The following MUSK variants were observed in gnomAD, a reference collection of about 807,000 sequenced individuals.
MUSK encodes the protein muscle, skeletal receptor tyrosine-protein kinase.
MUSK carries 55 observed loss-of-function variants against 88.7 expected under a neutral mutation model. That is an observed-to-expected ratio of 0.62 (90% CI 0.50 to 0.78). MUSK has a LOEUF of 0.78. Ranked by LOEUF, MUSK falls within the 30% of genes least tolerant of loss-of-function variation. The pLI is 0.00. For missense variants in MUSK, 1,015 were observed against 1,074.3 expected (o/e 0.94, Z 0.77); for synonymous variants, 387 against 391.9 (o/e 0.99, Z 0.15).
At chr9:110,732,195 T>G (rs1302726274) in intron 5 of MUSK, among the ~76,000 whole-genome samples, 1 of 152,070 alleles carries the variant, frequency 6.6e-6, no homozygotes, top group Non-Finnish European at 1.5e-5. Flanking sequence ...AGATCCTGCT[T>G]GTTTCAGATT....
intron 9 of MUSK, among the ~76,000 whole-genome samples, chr9:110,771,161 C>CTTTTTTTTTTTT (rs34185224): frequency 4.1e-5 from 4 of 96,432 alleles, no homozygotes; most frequent in Non-Finnish European, 5.7e-5. Context: ...TCATTTCCTT[C>CTTTTTTTTTTTT]TTTTTTTTTT....
chr9:110,677,461 G>A (rs1051315965), intron 1 of MUSK, among the ~76,000 whole-genome samples: 1 of 152,096 alleles, frequency 6.6e-6, no homozygotes, highest in African/African-American at 2.4e-5. Flanking sequence ...TGCTACTCTT[G>A]GGCTCTGCCA....
intron 5 of MUSK, among the ~76,000 whole-genome samples, chr9:110,704,516 G>A (rs2076571172): frequency 6.6e-6 from 1 of 152,036 alleles, no homozygotes; most frequent in Non-Finnish European, 1.5e-5. Context: ...TATTTAATAA[G>A]TACTTGTATA....
At chr9:110,745,361 CT>C (rs545907697) in intron 6 of MUSK, among the ~76,000 whole-genome samples, 381 of 152,254 alleles carry the variant, frequency 2.5e-3, no homozygotes, top group African/African-American at 8.9e-3. Flanking sequence ...TCAAAGTTGT[CT>C]CTAAGGCATT....
intron 9 of MUSK, among the ~76,000 whole-genome samples, chr9:110,774,320 C>T (rs2077630288): frequency 6.6e-6 from 1 of 152,092 alleles, no homozygotes. Flanking sequence ...TCTGTAGTTA[C>T]TTCCATGTTC....
chr9:110,776,578 A>T, intron 10 of MUSK, 54 bp from the exon 11 acceptor site: 1 of 1,397,690 alleles, frequency 7.2e-7, no homozygotes, highest in Non-Finnish European at 1.0e-6. Context: ...CTCACAGAAT[A>T]TGTGAGATAT....
intron 7 of MUSK, among the ~76,000 whole-genome samples, chr9:110,755,965 C>CATATAT: frequency 1.2e-5 from 1 of 81,638 alleles, no homozygotes; most frequent in African/African-American, 4.7e-5. Context: ...TATATATATA[C>CATATAT]ATATATATAT....
At chr9:110,764,991 G>T (rs571020343) in intron 8 of MUSK, among the ~76,000 whole-genome samples, 14 of 151,966 alleles carry the variant, frequency 9.2e-5, no homozygotes, top group African/African-American at 3.4e-4. Flanking sequence ...CAGACAGAGG[G>T]GTTCATTATT....
At chr9:110,725,202 T>C (rs1391353193) in intron 5 of MUSK, among the ~76,000 whole-genome samples, 1 of 151,854 alleles carries the variant, frequency 6.6e-6, no homozygotes, top group Non-Finnish European at 1.5e-5. Context: ...GGAGCTAAGA[T>C]AATGAGGATG....
chr9:110,669,335 C>T (rs1587868370), intron 1 of MUSK, among the ~76,000 whole-genome samples: 1 of 152,132 alleles, frequency 6.6e-6, no homozygotes, highest in Non-Finnish European at 1.5e-5. Flanking sequence ...ACAACCTTTT[C>T]GCATCAGGTT....
chr9:110,772,958 T>C (rs1006032706), intron 9 of MUSK, among the ~76,000 whole-genome samples: 7 of 152,148 alleles, frequency 4.6e-5, no homozygotes, highest in African/African-American at 1.7e-4. Flanking sequence ...GGTTTTCTAA[T>C]TATTAGGTTG....
At chr9:110,758,568 A>G (rs901653287) in intron 7 of MUSK, among the ~76,000 whole-genome samples, 1 of 152,202 alleles carries the variant, frequency 6.6e-6, no homozygotes, top group African/African-American at 2.4e-5. Flanking sequence ...AGCCCTGGCC[A>G]TAGCAATCAG....
At chr9:110,684,116 CT>C (rs2076165535) in intron 2 of MUSK, among the ~76,000 whole-genome samples, 1 of 152,072 alleles carries the variant, frequency 6.6e-6, no homozygotes, top group African/African-American at 2.4e-5. Context: ...AGATTGAAGT[CT>C]TAGATTTAAA....
At chr9:110,748,346 A>T (rs2077204650) in intron 7 of MUSK, among the ~76,000 whole-genome samples, 2 of 152,194 alleles carry the variant, frequency 1.3e-5, no homozygotes, top group South Asian at 4.1e-4. Flanking sequence ...CAATTTCTGC[A>T]TGGCTATTTC....
At chr9:110,721,711 G>A (rs10733579) in intron 5 of MUSK, among the ~76,000 whole-genome samples, 1 of 151,934 alleles carries the variant, frequency 6.6e-6, no homozygotes, top group Non-Finnish European at 1.5e-5. Flanking sequence ...GAAATACCAC[G>A]ATTACTCTTT....
rs547450130 is a variant in MUSK, at chr9:110,800,476, G to A, written c.2098G>A (p.Ala700Thr). Residue 700 changes from alanine (A) to threonine (T), a missense_variant, in exon 15 of 15, where the codon GCT becomes ACT. Coordinates refer to ENST00000374448, the MANE Select transcript of MUSK (RefSeq NM_005592.4). ...CCCTGGGCCCCCACCCCTCTCCTGT[G>A]CTGAGCAGCTTTGCATTGCCAGGCA... ...SSPGPPPLSC[A>T]EQLCIARQVA... 85 of 1,613,856 alleles carry A rather than the reference G, an allele frequency of 5.3e-5. No homozygotes were observed. The highest frequency in any genetic ancestry group is 3.8e-4 in the East Asian group (17 of 44,846).
At chr9:110,690,432 T>A (rs187400549) in intron 3 of MUSK, among the ~76,000 whole-genome samples, 11 of 100,968 alleles carry the variant, frequency 1.1e-4, no homozygotes, top group African/African-American at 4.0e-4. Context: ...AAATATATAT[T>A]TCAATATAAG....
chr9:110,754,172 T>C (rs533757822), intron 7 of MUSK, among the ~76,000 whole-genome samples: 1 of 152,344 alleles, frequency 6.6e-6, no homozygotes, highest in East Asian at 1.9e-4. Context: ...GGGAAAAGGA[T>C]AAATGAGTAA....
At chr9:110,724,739 A>T (rs2076861098) in intron 5 of MUSK, among the ~76,000 whole-genome samples, 1 of 152,008 alleles carries the variant, frequency 6.6e-6, no homozygotes, top group South Asian at 2.1e-4. Flanking sequence ...GCAAAAAATT[A>T]TATCTTCATT....
Sources: allele counts gnomAD v4.1 joint callset (sites outside exome capture counted in the v4.1 genomes callset), GRCh38; gene constraint gnomAD v4.1.1; transcripts MANE v1.5; gene names NCBI Gene and HGNC (gene_info 2026-07-23, HGNC 2026-07-21).